Variants in SLC25A48 observed in about 807,000 individuals in gnomAD.
SLC25A48 encodes solute carrier family 25 member 48.
In SLC25A48, 29 loss-of-function variants were observed where a neutral mutation model predicts 32.2. That is an observed-to-expected ratio of 0.90 (90% CI 0.67 to 1.23). The LOEUF is 1.23. Among genes scored for constraint, SLC25A48 ranks in the 50% most tolerant of loss-of-function variants. The probability of loss-of-function intolerance (pLI) is 0.00; values close to 1 mark genes in which losing one functional copy is unlikely to be tolerated. For synonymous variants in SLC25A48, 164 were observed against 172.3 expected, an observed-to-expected ratio of 0.95 and a Z score of 0.38; for missense variants, 399 against 422.7, an observed-to-expected ratio of 0.94 and a Z score of 0.49.
At chr5:135,615,849 G>A (rs368362449) in intron 1 of SLC25A48, among the ~76,000 whole-genome samples, 2 of 152,246 alleles carry the variant, frequency 1.3e-5, no homozygotes, top group South Asian at 4.1e-4. Flanking sequence ...TAGGAGGGAA[G>A]TGTGGTTTTA....
At chr5:135,743,830 C>A (rs111785585) in intron 3 of SLC25A48, among the ~76,000 whole-genome samples, 5 of 152,114 alleles carry the variant, frequency 3.3e-5, no homozygotes, top group African/African-American at 1.2e-4. Flanking sequence ...TTTGATGGCC[C>A]CTAAACCTTT....
intron 3 of SLC25A48, among the ~76,000 whole-genome samples, chr5:135,794,702 A>G (rs1475419086): frequency 6.6e-6 from 1 of 151,424 alleles, no homozygotes; most frequent in Non-Finnish European, 1.5e-5. Flanking sequence ...AGAGGATGAC[A>G]TTACTTAAAA....
At chr5:135,831,836 G>T (rs999414252), upstream of SLC25A48, among the ~76,000 whole-genome samples, 4 of 152,208 alleles carry the variant, frequency 2.6e-5, no homozygotes, top group Non-Finnish European at 5.9e-5. Context: ...GCTCACTGGG[G>T]CAGTAGGACA....
chr5:135,770,216 G>A (rs1456492526), intron 3 of SLC25A48, among the ~76,000 whole-genome samples: 1 of 151,494 alleles, frequency 6.6e-6, no homozygotes, highest in Non-Finnish European at 1.5e-5. Flanking sequence ...CACTCCCCCT[G>A]AGATACTGTT....
chr5:135,671,586 C>A (rs967251728), intron 3 of SLC25A48: 1 of 152,152 alleles, frequency 6.6e-6, no homozygotes, highest in African/African-American at 2.4e-5. Flanking sequence ...GTCGCTGCTC[C>A]CATCTGGTGG....
At chr5:135,742,963 T>TCCCCCCCCCCCCCC (rs1755536211) in intron 3 of SLC25A48, among the ~76,000 whole-genome samples, 1 of 6,260 alleles carries the variant, frequency 1.6e-4, no homozygotes, top group African/African-American at 5.7e-4. Flanking sequence ...GACCTCCCCC[T>TCCCCCCCCCCCCCC]CCCCCTCCCC....
intron 3 of SLC25A48, among the ~76,000 whole-genome samples, chr5:135,639,430 C>A (rs1752782714): frequency 6.6e-6 from 1 of 152,086 alleles, no homozygotes; most frequent in African/African-American, 2.4e-5. Flanking sequence ...TTTGGGCATG[C>A]AATGGGGTAG....
chr5:135,680,663 A>G lies in SLC25A48; in HGVS notation c.-521+45707A>G, dbSNP rs1753874995. Among the ~76,000 whole-genome samples, 3 of 152,146 alleles carry G rather than the reference A, an allele frequency of 2.0e-5. 1 individual carries two copies. The highest frequency in any genetic ancestry group is 7.2e-5 in the African/African-American group (3 of 41,434). On this transcript the variant is annotated intron_variant, in intron 3 of 10. Coordinates refer to the SLC25A48 transcript ENST00000646290. ...AAGGGGAACTGCCTTTTATAAAACC[A>G]TCAGATCTCATGAGACTTATTCACA... is the stretch of plus-strand genomic sequence containing the variant.
At chr5:135,789,035 T>C (rs11748092) in intron 3 of SLC25A48, among the ~76,000 whole-genome samples, 99,069 of 150,148 alleles carry the variant, frequency 0.66, 34,413 homozygotes, top group Non-Finnish European at 0.78. Flanking sequence ...CCCCATGTGT[T>C]GGGGGATGTA....
chr5:135,662,643 C>T (rs892717095), intron 3 of SLC25A48, among the ~76,000 whole-genome samples: 1 of 152,012 alleles, frequency 6.6e-6, no homozygotes, highest in African/African-American at 2.4e-5. Context: ...GGTGAGCTTC[C>T]CCCAGCTTAC....
intron 3 of SLC25A48, among the ~76,000 whole-genome samples, chr5:135,639,259 C>T (rs1752778288): frequency 6.6e-6 from 1 of 152,164 alleles, no homozygotes; most frequent in African/African-American, 2.4e-5. Flanking sequence ...GCATAAAGGG[C>T]TATAGTACAG....
intron 3 of SLC25A48, among the ~76,000 whole-genome samples, chr5:135,728,090 C>G (rs1312472402): frequency 6.6e-6 from 1 of 152,064 alleles, no homozygotes; most frequent in Non-Finnish European, 1.5e-5. Flanking sequence ...AACCCCATCT[C>G]TACTAAAATA....
intron 1 of SLC25A48, among the ~76,000 whole-genome samples, chr5:135,622,958 G>A (rs1189750027): frequency 1.3e-5 from 2 of 152,190 alleles, no homozygotes; most frequent in East Asian, 3.8e-4. Context: ...GCAGGATGAG[G>A]GCTGAATATG....
intron 1 of SLC25A48, among the ~76,000 whole-genome samples, chr5:135,617,802 A>G (rs1407161869): frequency 6.6e-6 from 1 of 151,952 alleles, no homozygotes; most frequent in Non-Finnish European, 1.5e-5. Context: ...TGTGGTCTGA[A>G]AAGATACTTG....
Position 135,888,245 on chromosome 5 carries a change from C to G in SLC25A48, c.*221C>G, listed in dbSNP as rs1338078379. 4 of 591,286 alleles carry G rather than the reference C, an allele frequency of 6.8e-6. No homozygotes were observed. Among genetic ancestry groups the G allele is most frequent in the Non-Finnish European group, 1.2e-5 (4 of 339,806 alleles). 36.6% of individuals were successfully genotyped at this position (591,286 alleles called of 1,614,324 possible). ...CTCCAAGGTTCTGATCCCCAATGCCCACTCTGCTAGGCTGGCATCAAAGAG... is the reference window on the plus strand; with the variant it reads ...CTCCAAGGTTCTGATCCCCAATGCCGACTCTGCTAGGCTGGCATCAAAGAG... On this transcript the variant is annotated 3_prime_UTR_variant, in exon 8 of 8. Coordinates refer to ENST00000681962, the MANE Select transcript of SLC25A48 (RefSeq NM_001349336.2).
intron 3 of SLC25A48, among the ~76,000 whole-genome samples, chr5:135,722,003 A>G (rs770473560): frequency 3.9e-5 from 6 of 152,244 alleles, no homozygotes; most frequent in Non-Finnish European, 7.3e-5. Flanking sequence ...CTGCTTCCCC[A>G]AGGCTGTTCC....
intron 3 of SLC25A48, among the ~76,000 whole-genome samples, chr5:135,637,605 A>C (rs977732561): frequency 1.1e-4 from 16 of 152,340 alleles, no homozygotes; most frequent in African/African-American, 2.9e-4. Flanking sequence ...TTCTTTGGCC[A>C]ATGTGTTTTT....
At chr5:135,759,411 C>T (rs1428329227) in intron 3 of SLC25A48, among the ~76,000 whole-genome samples, 1 of 152,106 alleles carries the variant, frequency 6.6e-6, no homozygotes, top group Non-Finnish European at 1.5e-5. Flanking sequence ...TGAGTTGTTC[C>T]CTGACTTCTG....
At chr5:135,751,198 G>A (rs1344539395) in intron 3 of SLC25A48, among the ~76,000 whole-genome samples, 1 of 152,158 alleles carries the variant, frequency 6.6e-6, no homozygotes, top group African/African-American at 2.4e-5. Context: ...CTGACACTCC[G>A]TGCCTTCCAG....
Sources: allele counts gnomAD v4.1 joint callset (sites outside exome capture counted in the v4.1 genomes callset), GRCh38; gene constraint gnomAD v4.1.1; transcripts MANE v1.5; gene names NCBI Gene and HGNC (gene_info 2026-07-23, HGNC 2026-07-21).